The following CERS3 variants were observed in gnomAD, a reference collection of about 807,000 sequenced individuals.
CERS3 encodes LAG1 homolog, ceramide synthase 3.
In CERS3, 33 loss-of-function variants were observed where a neutral mutation model predicts 50.3. The ratio of observed to expected loss-of-function variants is 0.66; its 90% CI spans 0.50 to 0.88. The LOEUF (loss-of-function observed/expected upper bound fraction) is 0.88, where lower values mean the gene tolerates loss of function less well. Among genes scored for constraint, CERS3 ranks in the 40% least tolerant of loss-of-function variants. CERS3 has a pLI of 0.00. For synonymous variants in CERS3, 176 were observed against 155.2 expected (o/e 1.13, Z -0.99); for missense variants, 470 against 460.3 (o/e 1.02, Z -0.19).
chr15:100,522,050 C>A (rs150399910), intron 1 of CERS3, among the ~76,000 whole-genome samples: 1 of 152,340 alleles, frequency 6.6e-6, no homozygotes, highest in East Asian at 1.9e-4. Flanking sequence ...CACACGCTTA[C>A]CAACCTGGCC....
chr15:100,455,660 T>A (rs1047999404), intron 11 of CERS3, among the ~76,000 whole-genome samples: 1 of 152,154 alleles, frequency 6.6e-6, no homozygotes. Context: ...TTTGACATTT[T>A]AAAAATGTCA....
Position 100,484,637 on chromosome 15 carries a change from T to G in CERS3, c.320A>C (p.Asn107Thr), listed in dbSNP as rs755194700. The change falls in exon 5 of 12, where the codon AAC becomes ACC. Residue 107 changes from asparagine to threonine, a missense_variant. Asn to Thr is a moderately conservative substitution (Grantham distance 65). Coordinates refer to ENST00000679737, the MANE Select transcript of CERS3 (RefSeq NM_001378789.1). Reference protein sequence around the residue: ...TDIYGLAKKCNLTERQVERWF... With the variant: ...TDIYGLAKKCTLTERQVERWF... ...TCTTTCCACCTGGCGCTCCGTCAAG[T>G]TACACTTCTTTGCCAGTCCATAAAT... 3 of 1,613,950 alleles carry G rather than the reference T, an allele frequency of 1.9e-6. No individual in the cohort carries two copies. In the South Asian group the frequency reaches 3.3e-5, roughly 18 times the overall value.
At chr15:100,442,996 A>C (rs953702437) in intron 11 of CERS3, among the ~76,000 whole-genome samples, 14 of 151,492 alleles carry the variant, frequency 9.2e-5, no homozygotes, top group African/African-American at 3.2e-4. Context: ...AACTTAGACA[A>C]TACTCTTTTA....
Position 100,490,826 on chromosome 15 carries a change from T to A in CERS3, c.279A>T (p.Gln93His). The stretch of plus-strand genomic sequence containing the variant: ...AAGAATTTGTACTTACTTGCAATGG[T>A]TGCCTTGTGGAATGTTTGAAAAAAT... ...LENFFKHSTRQPLQTDIYGLA... is the reference protein window; with the variant it reads ...LENFFKHSTRHPLQTDIYGLA... The change falls in exon 4 of 12, where the codon CAA (glutamine) becomes CAT (histidine). Residue 93 changes from glutamine to histidine, a missense_variant. Gln to His is a conservative substitution (Grantham distance 24). Transcript: ENST00000679737. 6.3e-7 allele frequency: 1 copy of A among 1,599,800 alleles called. No homozygotes were observed. Among genetic ancestry groups the A allele is most frequent in the Non-Finnish European group, 8.6e-7 (1 of 1,167,494 alleles).
chr15:100,541,780 C>A (rs566926559), intron 1 of CERS3, among the ~76,000 whole-genome samples: 1 of 152,202 alleles, frequency 6.6e-6, no homozygotes, highest in South Asian at 2.1e-4. Context: ...AAAGTAGTAA[C>A]ATGTCACAAT....
intron 4 of CERS3, among the ~76,000 whole-genome samples, chr15:100,485,757 A>T (rs2035465345): frequency 6.6e-6 from 1 of 152,094 alleles, no homozygotes; most frequent in Non-Finnish European, 1.5e-5. Context: ...CCAGCTACTC[A>T]GGAGGCTGAG....
intron 8 of CERS3, chr15:100,475,872 A>G (rs2035112448): frequency 7.1e-6 from 2 of 280,864 alleles, no homozygotes; most frequent in African/African-American, 2.2e-5. Flanking sequence ...TGGAGCTTCA[A>G]AGTTAAAGTT....
chr15:100,462,387 A>G (rs2142213734), intron 10 of CERS3, among the ~76,000 whole-genome samples: 1 of 152,304 alleles, frequency 6.6e-6, no homozygotes, highest in Admixed American at 6.5e-5. Flanking sequence ...AAAAAGTTGT[A>G]TTTGTCTAAT....
At chr15:100,442,414 C>A (rs892243974) in intron 11 of CERS3, among the ~76,000 whole-genome samples, 2 of 152,138 alleles carry the variant, frequency 1.3e-5, no homozygotes, top group Non-Finnish European at 2.9e-5. Flanking sequence ...TAGAGGCAGC[C>A]AAGTAACAAT....
At chr15:100,475,581 G>A (rs1567646159) in intron 8 of CERS3, among the ~76,000 whole-genome samples, 1 of 152,122 alleles carries the variant, frequency 6.6e-6, no homozygotes, top group African/African-American at 2.4e-5. Flanking sequence ...TTCAGAAGTG[G>A]CATTTAGCAT....
intron 11 of CERS3, among the ~76,000 whole-genome samples, chr15:100,407,242 T>C (rs563611152): frequency 6.6e-6 from 1 of 152,294 alleles, no homozygotes; most frequent in South Asian, 2.1e-4. Context: ...AGAGCTGTGT[T>C]AGCTAAGAAA....
intron 4 of CERS3, among the ~76,000 whole-genome samples, chr15:100,489,909 T>C (rs2035602070): frequency 6.6e-6 from 1 of 152,194 alleles, no homozygotes; most frequent in Admixed American, 6.5e-5. Context: ...CTCAATGTGC[T>C]TTCATGTGCA....
chr15:100,504,949 C>A lies in CERS3; in HGVS notation c.-1-3099G>T, dbSNP rs368067115. ...CAAGAGCATACACAAGCCTTTGAGT[C>A]AAACTCCAGCAAAAGTTCAAACTTC... is the stretch of plus-strand genomic sequence containing the variant. On this transcript the variant is annotated intron_variant, in intron 2 of 11. Transcript: ENST00000679737. Among the ~76,000 whole-genome samples, 13 of 152,298 alleles carry A rather than the reference C, an allele frequency of 8.5e-5. No individual in the cohort carries two copies. The East Asian group carries it at 2.3e-3, about 27-fold the overall frequency.
intron 11 of CERS3, among the ~76,000 whole-genome samples, chr15:100,434,386 G>A (rs71405376): frequency 0.019 from 2,858 of 152,276 alleles, 33 homozygotes; most frequent in Middle Eastern, 0.058. Flanking sequence ...GACGGCATGC[G>A]TGCTGTTCCC....
rs1555528317 is a variant in CERS3, at chr15:100,467,846, T to TAGATAGATAG, written c.845+1531_845+1532insCTATCTATCT. On this transcript the variant is annotated intron_variant, in intron 10 of 11. Coordinates refer to ENST00000679737, the MANE Select transcript of CERS3 (RefSeq NM_001378789.1). ...GTGTATATATATACGTGTATATATA[T>TAGATAGATAG]ATATATAGATAGATAGATAGATAGA... is the stretch of plus-strand genomic sequence containing the variant. 6.7e-3 allele frequency among the ~76,000 whole-genome samples: 263 copies of TAGATAGATAG among 39,076 alleles called. 4 individuals carry two copies. The highest frequency in any genetic ancestry group is 0.058 in the East Asian group (60 of 1,026). The allele number at this position is 39,076 out of a possible 152,430, so 25.6% of individuals were successfully genotyped here.
At chr15:100,530,950 G>C (rs1356981151), upstream of CERS3, among the ~76,000 whole-genome samples, 2 of 152,038 alleles carry the variant, frequency 1.3e-5, no homozygotes, top group East Asian at 1.9e-4. Flanking sequence ...TGGGCATGGT[G>C]GTGGGCGCCT....
At chr15:100,529,259 G>T (rs1292833929), upstream of CERS3, 1 of 152,188 alleles carries the variant, frequency 6.6e-6, no homozygotes, top group Non-Finnish European at 1.5e-5. Flanking sequence ...TCACAACCCT[G>T]TACTGTCCTA....
At chr15:100,537,875 A>G (rs1461062609) in intron 1 of CERS3, among the ~76,000 whole-genome samples, 2 of 152,224 alleles carry the variant, frequency 1.3e-5, no homozygotes, top group Non-Finnish European at 2.9e-5. Context: ...CCAAAGTTTC[A>G]TCTGAGACAA....
At chr15:100,413,148 T>G (rs1280581190) in intron 11 of CERS3, among the ~76,000 whole-genome samples, 4 of 152,234 alleles carry the variant, frequency 2.6e-5, no homozygotes, top group South Asian at 4.1e-4. Flanking sequence ...GGATTAAAAC[T>G]GTTGTTTAAC....
Sources: gnomAD v4.1 joint callset for allele counts (sites outside exome capture counted in the v4.1 genomes callset) on GRCh38, gnomAD v4.1.1 for gene constraint, MANE v1.5 for transcripts, NCBI Gene and HGNC (gene_info 2026-07-23, HGNC 2026-07-21) for gene names.